PDE11A: variants seen among roughly 807,000 people sequenced by gnomAD.
PDE11A encodes phosphodiesterase 11A.
In PDE11A, 100 loss-of-function variants were observed where a neutral mutation model predicts 100.5. The observed-to-expected ratio is 1.00, with a 90% confidence interval of 0.85 to 1.18. The LOEUF (loss-of-function observed/expected upper bound fraction) is 1.18. PDE11A is among the 50% of genes most tolerant of loss of function. The pLI is 0.00. For synonymous variants in PDE11A, 381 were observed against 420.8 expected, an observed-to-expected ratio of 0.91 and a Z score of 1.16; for missense variants, 1,141 against 1,152.6, an observed-to-expected ratio of 0.99 and a Z score of 0.15.
At chr2:178,053,537 T>G (rs1365422421) in intron 1 of PDE11A, among the ~76,000 whole-genome samples, 1 of 152,056 alleles carries the variant, frequency 6.6e-6, no homozygotes, top group Non-Finnish European at 1.5e-5. Context: ...GAGAAAGAAA[T>G]AAAGGGTATT....
At chr2:177,701,624 A>C (rs1478412881) in intron 13 of PDE11A, among the ~76,000 whole-genome samples, 1 of 152,136 alleles carries the variant, frequency 6.6e-6, no homozygotes, top group Non-Finnish European at 1.5e-5. Context: ...AAAAGACATA[A>C]TTTCTGGCTC....
intron 19 of PDE11A, among the ~76,000 whole-genome samples, chr2:177,631,532 TATATATATATATATAC>T (rs1559117259): frequency 6.6e-4 from 14 of 21,086 alleles, no homozygotes; most frequent in Admixed American, 3.0e-3. Context: ...TATATATATA[TATATATATATATATAC>T]ACATGTATAT....
chr2:177,655,785 G>T (rs1418005288), intron 19 of PDE11A, among the ~76,000 whole-genome samples: 1 of 152,092 alleles, frequency 6.6e-6, no homozygotes, highest in African/African-American at 2.4e-5. Flanking sequence ...CTAAGTCAAA[G>T]AAAGATTAAA....
At chr2:178,063,557 A>C (rs1203496918) in intron 1 of PDE11A, among the ~76,000 whole-genome samples, 1 of 152,210 alleles carries the variant, frequency 6.6e-6, no homozygotes, top group Non-Finnish European at 1.5e-5. Flanking sequence ...TGAACTAGAC[A>C]GGGTAGGTAG....
intron 1 of PDE11A, among the ~76,000 whole-genome samples, chr2:178,045,667 T>C (rs942817398): frequency 3.3e-5 from 5 of 152,208 alleles, no homozygotes; most frequent in African/African-American, 1.2e-4. Context: ...GTAGTAGTAG[T>C]AGTAGTATCG....
intron 2 of PDE11A, among the ~76,000 whole-genome samples, chr2:177,968,493 T>G (rs2085727158): frequency 6.6e-6 from 1 of 152,236 alleles, no homozygotes; most frequent in African/African-American, 2.4e-5. Flanking sequence ...TTCTAAGTGA[T>G]GCTCACTAGT....
At chr2:177,800,449 G>A (rs963969195) in intron 9 of PDE11A, among the ~76,000 whole-genome samples, 9 of 152,140 alleles carry the variant, frequency 5.9e-5, no homozygotes, top group Non-Finnish European at 7.3e-5. Context: ...GGGATTACAG[G>A]TGTGAGCCAC....
chr2:178,058,852 T>C (rs1278443844), intron 1 of PDE11A, among the ~76,000 whole-genome samples: 3 of 151,882 alleles, frequency 2.0e-5, no homozygotes, highest in South Asian at 2.1e-4. Context: ...ACTATGGAAG[T>C]TAGTGGAAAA....
chr2:178,077,278 T>C (rs997152986), upstream of PDE11A, among the ~76,000 whole-genome samples: 151 of 144,358 alleles, frequency 1.0e-3, 1 homozygote, highest in Admixed American at 1.7e-3. Flanking sequence ...TTTTTTTTTT[T>C]TTTTTGAGAC....
intron 13 of PDE11A, among the ~76,000 whole-genome samples, chr2:177,707,830 C>T (rs1227919517): frequency 6.6e-6 from 1 of 152,210 alleles, no homozygotes; most frequent in Non-Finnish European, 1.5e-5. Context: ...CCAGCTCTCT[C>T]TCTGGGGAGG....
intron 18 of PDE11A, among the ~76,000 whole-genome samples, chr2:177,668,045 T>C (rs1559134717): frequency 6.6e-6 from 1 of 152,196 alleles, no homozygotes; most frequent in Non-Finnish European, 1.5e-5. Flanking sequence ...AGGCCTCCCC[T>C]GAGGAGATGG....
intron 19 of PDE11A, among the ~76,000 whole-genome samples, chr2:177,632,673 T>G (rs895070037): frequency 6.6e-6 from 1 of 152,190 alleles, no homozygotes; most frequent in Admixed American, 6.5e-5. Context: ...CCCTCTTGAC[T>G]CCATTCTGCA....
At chr2:177,845,368 A>G (rs1490690867) in intron 5 of PDE11A, among the ~76,000 whole-genome samples, 1 of 148,810 alleles carries the variant, frequency 6.7e-6, no homozygotes, top group East Asian at 2.0e-4. Context: ...TCGGCCGGGC[A>G]GAGGCGCTCC....
At chr2:177,783,999 A>G (rs1426852420) in intron 9 of PDE11A, among the ~76,000 whole-genome samples, 2 of 152,230 alleles carry the variant, frequency 1.3e-5, no homozygotes, top group African/African-American at 2.4e-5. Flanking sequence ...CTGAGTCCCT[A>G]TAAATCATTA....
intron 2 of PDE11A, among the ~76,000 whole-genome samples, chr2:178,084,562 A>T (rs1258940425): frequency 1.3e-5 from 2 of 152,248 alleles, no homozygotes; most frequent in African/African-American, 4.8e-5. Context: ...CAAGTCTGAC[A>T]TGGGAGCAGG....
chr2:177,907,242 T>C (rs952200081), intron 2 of PDE11A, among the ~76,000 whole-genome samples: 1 of 152,174 alleles, frequency 6.6e-6, no homozygotes, highest in Non-Finnish European at 1.5e-5. Context: ...TTGAACCTAT[T>C]TTCTTATCTG....
chr2:178,061,473 G>T (rs2086968782), intron 1 of PDE11A, among the ~76,000 whole-genome samples: 2 of 152,106 alleles, frequency 1.3e-5, no homozygotes, highest in African/African-American at 4.8e-5. Context: ...TGTCAGTCTT[G>T]AGACAAAATA....
At chr2:177,744,708 C>T (rs542744489) in intron 10 of PDE11A, among the ~76,000 whole-genome samples, 1 of 152,290 alleles carries the variant, frequency 6.6e-6, no homozygotes, top group African/African-American at 2.4e-5. Context: ...TGACCCAGGG[C>T]CTCCCTAGCA....
At chr2:177,998,040 C>G in intron 2 of PDE11A, 1 of 1,257,326 alleles carries the variant, frequency 8.0e-7, no homozygotes, top group Non-Finnish European at 1.2e-6. Context: ...AGGGTACTGC[C>G]TGCTGAGTGC....
Sources: gnomAD v4.1 joint callset for allele counts (sites outside exome capture counted in the v4.1 genomes callset) on GRCh38, gnomAD v4.1.1 for gene constraint, MANE v1.5 for transcripts, NCBI Gene and HGNC (gene_info 2026-07-23, HGNC 2026-07-21) for gene names.